HDAC2: variants seen among roughly 807,000 people sequenced by gnomAD.
HDAC2 encodes YY1-associated factor 1.
A neutral mutation model predicts 68.5 loss-of-function variants in HDAC2; 5 were observed. The observed-to-expected ratio is 0.07, with a 90% CI of 0.04 to 0.15. The LOEUF (loss-of-function observed/expected upper bound fraction) is 0.15, where lower values mean the gene tolerates loss of function less well. Among genes scored for constraint, HDAC2 ranks in the 10% least tolerant of loss-of-function variants. The pLI is 1.00. For synonymous variants in HDAC2, 182 were observed against 191.3 expected (o/e 0.95, Z 0.40); for missense variants, 291 against 600.8 (o/e 0.48, Z 5.39).
In HDAC2 at chr6:113,943,347, T is replaced by A. The variant is rs749857030; in HGVS notation, c.1378+4A>T. 12 of 1,593,424 alleles carry A rather than the reference T, an allele frequency of 7.5e-6. No homozygotes were observed. In the African/African-American group the frequency reaches 1.6e-4, roughly 22 times the overall value. On this transcript the variant is annotated splice_donor_region_variant and intron_variant, in intron 12 of 13. Coordinates refer to ENST00000519065, the MANE Select transcript of HDAC2 (RefSeq NM_001527.4). ...AAACACAATTACCAAGAAACAAATC[T>A]GACCTGTTTTTTTGTCCTCTGTTTC...
At chr6:113,959,613 A>AG (rs886543619) in intron 2 of HDAC2, 2 of 162,848 alleles carry the variant, frequency 1.2e-5, no homozygotes, top group African/African-American at 4.8e-5. Flanking sequence ...AAAAAAAAAA[A>AG]AAAAAATACT....
rs534778912 is a variant in HDAC2, at chr6:113,933,355, C to T, written c.*7703G>A. ...TGCCCACTGAGATATTCTACAAGGC[C>T]AGAGGGTTAAGTGACTTTCCAAATT... is the stretch of plus-strand genomic sequence containing the variant. On this transcript the variant is annotated 3_prime_UTR_variant, in exon 14 of 14. Coordinates refer to ENST00000519065, the MANE Select transcript of HDAC2 (RefSeq NM_001527.4). The T allele has an allele frequency of 1.2e-4, 18 of 152,242 alleles. No homozygotes were observed. The highest frequency in any genetic ancestry group is 4.3e-4 in the African/African-American group (18 of 41,552). The allele number at this position is 152,242 out of a possible 1,614,324, so 9.4% of individuals were successfully genotyped here. A position where few individuals can be genotyped will look rare whatever the true frequency, so the allele number is the denominator to read the frequency against.
At chr6:113,968,813 A>T (rs953666872) in intron 1 of HDAC2, 5 of 152,236 alleles carry the variant, frequency 3.3e-5, no homozygotes, top group African/African-American at 1.2e-4. Context: ...AACGAAGGTT[A>T]TCATAAATGG....
Position 113,939,048 on chromosome 6 carries a change from G to A in HDAC2, c.*2010C>T, listed in dbSNP as rs1276791674. On this transcript the variant is annotated 3_prime_UTR_variant, in exon 14 of 14. Coordinates refer to ENST00000519065, the MANE Select transcript of HDAC2 (RefSeq NM_001527.4). Reference sequence around the variant, plus strand: ...TACTTAACATGTGTCAACAGGGGTAGATCAGAATATTAAATGAAAAAAAGC... The same window carrying A: ...TACTTAACATGTGTCAACAGGGGTAAATCAGAATATTAAATGAAAAAAAGC... 1 of 152,172 alleles carries A rather than the reference G, an allele frequency of 6.6e-6. No individual in the cohort carries two copies. Among genetic ancestry groups the A allele is most frequent in the Non-Finnish European group, 1.5e-5 (1 of 68,042 alleles). 9.4% of individuals were successfully genotyped at this position (152,172 alleles called of 1,614,324 possible).
At chr6:113,943,886 T>C (rs968438787) in intron 11 of HDAC2, among the ~76,000 whole-genome samples, 8 of 152,200 alleles carry the variant, frequency 5.3e-5, no homozygotes, top group African/African-American at 1.7e-4. Flanking sequence ...ATACCAAATA[T>C]GTTAGACAGT....
intron 3 of HDAC2, 77 bp from the exon 4 acceptor site, chr6:113,956,770 C>T: frequency 9.5e-7 from 1 of 1,047,954 alleles, no homozygotes. Flanking sequence ...AACTATTTCC[C>T]ACAAATACTT....
chr6:113,956,885 G>A, intron 3 of HDAC2, 192 bp from the exon 4 acceptor site: 1 of 516,938 alleles, frequency 1.9e-6, no homozygotes, highest in Non-Finnish European at 3.4e-6. Flanking sequence ...AGTGTTATCT[G>A]TGAAAGATCA....
At chr6:113,970,803 G>T in intron 1 of HDAC2, 54 bp downstream of exon 1, 2 of 1,468,798 alleles carry the variant, frequency 1.4e-6, no homozygotes, top group African/African-American at 1.5e-5. Context: ...CGGCAGCCGC[G>T]GAACCCAGCG....
In HDAC2 at chr6:113,943,121, T is replaced by C. The variant is rs562315056; in HGVS notation, c.1378+230A>G. On this transcript the variant is annotated intron_variant, in intron 12 of 13. Transcript: ENST00000519065. The stretch of plus-strand genomic sequence containing the variant: ...CAATGTTCACTATTTTAAACCTATG[T>C]TATCAAGAAAATAAGGTTTCCTGTA... Among the ~76,000 whole-genome samples, 7 of 152,274 alleles carry C rather than the reference T, an allele frequency of 4.6e-5. No homozygotes were observed. The South Asian group carries it at 1.4e-3, about 32-fold the overall frequency.
chr6:113,963,079 G>A (rs1776726993), intron 1 of HDAC2, among the ~76,000 whole-genome samples: 1 of 151,638 alleles, frequency 6.6e-6, no homozygotes, highest in Non-Finnish European at 1.5e-5. Context: ...TACTTTGTAG[G>A]CATCCACTTT....
intron 2 of HDAC2, among the ~76,000 whole-genome samples, chr6:113,959,213 C>T (rs931666428): frequency 6.6e-5 from 10 of 152,048 alleles, no homozygotes; most frequent in Non-Finnish European, 1.0e-4. Flanking sequence ...CTCAATTTCA[C>T]GTATGACACA....
chr6:113,966,821 G>T (rs935172629), intron 1 of HDAC2, among the ~76,000 whole-genome samples: 7 of 152,142 alleles, frequency 4.6e-5, no homozygotes, highest in African/African-American at 1.7e-4. Context: ...AGAGGCAAAA[G>T]ATTTCTGGGG....
At position 113,936,996 on chromosome 6, in the gene HDAC2, AAAAG is replaced by A. The variant is rs1377250052; in HGVS notation, c.*4058_*4061del. 2.0e-5 allele frequency: 3 copies of A among 152,110 alleles called. No homozygotes were observed. The highest frequency in any genetic ancestry group is 7.2e-5 in the African/African-American group (3 of 41,396). 9.4% of individuals were successfully genotyped at this position (152,110 alleles called of 1,614,324 possible). A position where few individuals can be genotyped will look rare whatever the true frequency, so the allele number is the denominator to read the frequency against. ...AACAGAGTGAGACTCTTTCAAAAAA[AAAAG>A]AAAAAAAAATAGCAGCTAACCCTTA... On this transcript the variant is annotated 3_prime_UTR_variant, in exon 14 of 14. Coordinates refer to ENST00000519065, the MANE Select transcript of HDAC2 (RefSeq NM_001527.4).
At chr6:113,959,201 A>T (rs1285447302) in intron 2 of HDAC2, among the ~76,000 whole-genome samples, 1 of 152,040 alleles carries the variant, frequency 6.6e-6, no homozygotes, top group Non-Finnish European at 1.5e-5. Flanking sequence ...TGTTCCGAAG[A>T]GCTCAATTTC....
chr6:113,960,495 C>G (rs1776658114), intron 1 of HDAC2, among the ~76,000 whole-genome samples: 1 of 151,994 alleles, frequency 6.6e-6, no homozygotes. Context: ...TAAAGCCCAT[C>G]AGGGAAGTTT....
chr6:113,954,290 C>A (rs1325626124), intron 5 of HDAC2, among the ~76,000 whole-genome samples: 1 of 152,086 alleles, frequency 6.6e-6, no homozygotes, highest in Non-Finnish European at 1.5e-5. Context: ...CTAAATAAAA[C>A]AATACAATGT....
chr6:113,965,911 AT>A (rs1349591512), intron 1 of HDAC2, among the ~76,000 whole-genome samples: 3 of 152,236 alleles, frequency 2.0e-5, no homozygotes, highest in Non-Finnish European at 4.4e-5. Context: ...ATTTATTAAC[AT>A]TCCCTAAGAG....
intron 10 of HDAC2, among the ~76,000 whole-genome samples, 164 bp downstream of exon 10, chr6:113,945,197 TA>T (rs34041761): frequency 0.24 from 32,389 of 134,724 alleles, 3,625 homozygotes; most frequent in East Asian, 0.32. Flanking sequence ...AATTAAAAAT[TA>T]AAAAAAAAAA....
At chr6:113,948,354 TGAACA>T (rs1282883214) in intron 8 of HDAC2, 14 of 152,184 alleles carry the variant, frequency 9.2e-5, no homozygotes, top group African/African-American at 3.4e-4. Flanking sequence ...CATCCAAACA[TGAACA>T]GATGAGAAGG....
Sources: allele counts gnomAD v4.1 joint callset (sites outside exome capture counted in the v4.1 genomes callset), GRCh38; gene constraint gnomAD v4.1.1; transcripts MANE v1.5; gene names NCBI Gene and HGNC (gene_info 2026-07-23, HGNC 2026-07-21).